The following RAB36 variants were observed in gnomAD, a reference collection of about 807,000 sequenced individuals.
The protein encoded by RAB36 is ras-related protein Rab-36.
In RAB36, 33 loss-of-function variants were observed where a neutral mutation model predicts 39.3. The observed-to-expected ratio is 0.84, with a 90% confidence interval of 0.64 to 1.12. RAB36 has a LOEUF of 1.12. Ranked by LOEUF, RAB36 falls within the 50% of genes most tolerant of loss-of-function variation. The pLI is 0.00. For synonymous variants in RAB36, 133 were observed against 140.2 expected, an observed-to-expected ratio of 0.95 and a Z score of 0.36; for missense variants, 308 against 355.3, an observed-to-expected ratio of 0.87 and a Z score of 1.07.
intron 1 of RAB36, among the ~76,000 whole-genome samples, chr22:23,146,338 C>G (rs1039125350): frequency 5.3e-5 from 8 of 152,072 alleles, no homozygotes; most frequent in African/African-American, 1.9e-4. Context: ...TCCCAAGTAG[C>G]TGGGACTGCA....
chr22:23,156,948 G>A (rs2071486812), intron 6 of RAB36, among the ~76,000 whole-genome samples: 1 of 152,168 alleles, frequency 6.6e-6, no homozygotes, highest in South Asian at 2.1e-4. Flanking sequence ...CATCTGCCTT[G>A]GGAGGGGCGT....
chr22:23,158,870 T>C, intron 7 of RAB36, 28 bp from the exon 8 acceptor site: 3 of 1,600,832 alleles, frequency 1.9e-6, no homozygotes, highest in Non-Finnish European at 2.6e-6. Flanking sequence ...GATGGGTGAA[T>C]CTCTCAGCCT....
At chr22:23,145,625 C>A in intron 1 of RAB36, 74 bp downstream of exon 1, 1 of 1,470,500 alleles carries the variant, frequency 6.8e-7, no homozygotes. Context: ...GAGGCCAGGG[C>A]CGCGAGGGCA....
rs1462360436 is a variant in RAB36 at position 23,164,883 on chromosome 22, T to C, written c.*3319T>C. On this transcript the variant is annotated 3_prime_UTR_variant, in exon 11 of 11. Transcript: ENST00000263116. ...GTGCTCTCGCTCTGGCTTTCGAGGC[T>C]CCTCACCACCCAGCCCACCCCACCC... 6.6e-6 allele frequency among the ~76,000 whole-genome samples: 1 copy of C among 151,910 alleles called. No individual in the cohort carries two copies. Among genetic ancestry groups the C allele is most frequent in the African/African-American group, 2.4e-5 (1 of 41,346 alleles).
chr22:23,158,785 T>G, intron 7 of RAB36, 113 bp from the exon 8 acceptor site: 1 of 930,616 alleles, frequency 1.1e-6, no homozygotes, highest in Admixed American at 2.0e-5. Context: ...GAAGCCCTCC[T>G]TGTCCCTCCC....
rs2246716 is a variant in RAB36 at position 23,159,099 on chromosome 22, T to A, written c.529-64T>A. ...GCACAGTGGGAAGCAGGCAGCTGCCTATCCCCCTGGGCCTCCCTGCAGGAG... is the reference window on the plus strand; with the variant it reads ...GCACAGTGGGAAGCAGGCAGCTGCCAATCCCCCTGGGCCTCCCTGCAGGAG... On this transcript the variant is annotated intron_variant, in intron 8 of 10. Transcript: ENST00000263116. 477 of 1,589,530 alleles carry A rather than the reference T, an allele frequency of 3.0e-4. 9 individuals carry two copies. The East Asian group carries it at 7.1e-3, about 24-fold the overall frequency.
At chr22:23,159,493 G>A (rs953662846) in intron 9 of RAB36, among the ~76,000 whole-genome samples, 23 of 152,230 alleles carry the variant, frequency 1.5e-4, no homozygotes, top group African/African-American at 5.5e-4. Context: ...GGGGAATAGT[G>A]ACCCCAACCC....
At chr22:23,149,998 C>A in intron 2 of RAB36, 65 bp from the exon 3 acceptor site, 2 of 1,308,602 alleles carry the variant, frequency 1.5e-6, no homozygotes, top group Non-Finnish European at 2.2e-6. Flanking sequence ...CCCCTCACTG[C>A]TTGGCTACGA....
At chr22:23,168,528 G>A (rs1016580492), downstream of RAB36, among the ~76,000 whole-genome samples, 7 of 152,194 alleles carry the variant, frequency 4.6e-5, no homozygotes, top group Non-Finnish European at 1.0e-4. Context: ...GCCGCTTCAG[G>A]CACTGTGTGA....
At position 23,163,948 on chromosome 22, in the gene RAB36, T is replaced by G. The variant is rs1807702; in HGVS notation, c.*2384T>G. The G allele has an allele frequency of 0.51, 77,916 of 152,160 alleles. 20,124 individuals carry two copies. Among genetic ancestry groups the G allele is most frequent in the East Asian group, 0.65 (3,342 of 5,156 alleles). 9.4% of individuals were successfully genotyped at this position (152,160 alleles called of 1,614,324 possible). A position where few individuals can be genotyped will look rare whatever the true frequency, so the allele number is the denominator to read the frequency against. On this transcript the variant is annotated 3_prime_UTR_variant, in exon 11 of 11. Transcript: ENST00000263116. ...ATTGTAGTTCATTTGACCCTCCCCATCCGCGGGCCATCCGGCTTGTGTCCA... is the reference window on the plus strand; with the variant it reads ...ATTGTAGTTCATTTGACCCTCCCCAGCCGCGGGCCATCCGGCTTGTGTCCA...
chr22:23,152,306 A>G (rs2071192081), intron 3 of RAB36, among the ~76,000 whole-genome samples, 155 bp from the exon 4 acceptor site: 2 of 152,112 alleles, frequency 1.3e-5, no homozygotes, highest in Non-Finnish European at 2.9e-5. Context: ...GGGGACTGTG[A>G]AGGGGGAACA....
In RAB36 at chr22:23,159,211, A is replaced by G; in HGVS notation, c.577A>G (p.Arg193Gly). Residue 193 changes from arginine (R) to glycine (G), a missense_variant, in exon 9 of 11, where the codon AGG becomes GGG. Physicochemically the swap from Arg to Gly is moderately radical, Grantham distance 125. Coordinates refer to ENST00000263116, the MANE Select transcript of RAB36 (RefSeq NM_004914.5). ...QAEADAVHLA[R>G]EMQAEYWSVS... ...CGAAGCAGACGCTGTGCACCTGGCC[A>G]GGGAGATGCAGGCCGAGTACTGGTC... is the stretch of plus-strand genomic sequence containing the variant. The G allele has an allele frequency of 1.2e-6, 2 of 1,607,078 alleles. No individual in the cohort carries two copies. Among genetic ancestry groups the G allele is most frequent in the South Asian group, 1.1e-5 (1 of 89,508 alleles).
At chr22:23,161,098 T>G (rs964963242) in intron 10 of RAB36, 100 bp downstream of exon 10, 1 of 1,414,490 alleles carries the variant, frequency 7.1e-7, no homozygotes, top group Admixed American at 2.2e-5. Flanking sequence ...TTTCCTGAAC[T>G]TGTGGCCCTC....
At chr22:23,157,936 C>A (rs2146572595) in intron 6 of RAB36, 56 bp from the exon 7 acceptor site, 1 of 1,610,508 alleles carries the variant, frequency 6.2e-7, no homozygotes, top group Non-Finnish European at 8.5e-7. Context: ...CCTGGGGAGC[C>A]CCCTTGCTCG....
At chr22:23,160,295 C>A (rs1374108532) in intron 9 of RAB36, among the ~76,000 whole-genome samples, 1 of 152,192 alleles carries the variant, frequency 6.6e-6, no homozygotes, top group African/African-American at 2.4e-5. Flanking sequence ...AGTGAGTTCA[C>A]CGACAGCTCA....
intron 5 of RAB36, among the ~76,000 whole-genome samples, chr22:23,154,145 C>T (rs919419692): frequency 2.0e-5 from 3 of 152,134 alleles, no homozygotes; most frequent in Admixed American, 1.3e-4. Flanking sequence ...CCCTCTGCCC[C>T]GGCACCTGGA....
chr22:23,156,089 G>T, intron 6 of RAB36, 57 bp downstream of exon 6: 1 of 1,491,582 alleles, frequency 6.7e-7, no homozygotes. Context: ...TCCCTGCCGG[G>T]CTCCACAGTG....
At chr22:23,168,042 G>C (rs1289434160), downstream of RAB36, among the ~76,000 whole-genome samples, 1 of 152,074 alleles carries the variant, frequency 6.6e-6, no homozygotes, top group Non-Finnish European at 1.5e-5. Flanking sequence ...ATTTCACAGA[G>C]ATAGGGTCTG....
Position 23,150,101 on chromosome 22 carries a change from C to G in RAB36, c.108C>G (p.His36Gln). ...TPEACLQLRE[H>Q]FHGQVSAACQ... is the part of the protein sequence containing the mutation. ...AAGCCTGTTTGCAGCTCAGGGAGCA[C>G]TTCCACGGGCAGGTCAGCGCTGCCT... is the stretch of plus-strand genomic sequence containing the variant. The change falls in exon 3 of 11, where the codon CAC becomes CAG. Residue 36 changes from histidine to glutamine, a missense_variant. Coordinates refer to ENST00000263116, the MANE Select transcript of RAB36 (RefSeq NM_004914.5). 1 of 1,612,560 alleles carries G rather than the reference C, an allele frequency of 6.2e-7. No individual in the cohort carries two copies. Among genetic ancestry groups the G allele is most frequent in the Admixed American group, 1.7e-5 (1 of 59,824 alleles).
Sources: gnomAD v4.1 joint callset for allele counts (sites outside exome capture counted in the v4.1 genomes callset) on GRCh38, gnomAD v4.1.1 for gene constraint, MANE v1.5 for transcripts, NCBI Gene and HGNC (gene_info 2026-07-23, HGNC 2026-07-21) for gene names.